The following COBL variants were observed in gnomAD, a reference collection of about 807,000 sequenced individuals.
The protein encoded by COBL is cordon-bleu WH2 repeat protein.
COBL carries 51 observed loss-of-function variants against 98.8 expected under a neutral mutation model. The ratio of observed to expected loss-of-function variants is 0.52; its 90% CI spans 0.41 to 0.65. The LOEUF is 0.65. COBL is among the 30% of genes least tolerant of loss of function. The probability of loss-of-function intolerance (pLI) is 0.00; values close to 1 mark genes in which losing one functional copy is unlikely to be tolerated. For missense variants in COBL, 1,617 were observed against 1,617.5 expected (o/e 1.00, Z 0.01); for synonymous variants, 634 against 651.7 (o/e 0.97, Z 0.41).
chr7:51,299,061 G>A (rs973215736), intron 1 of COBL, among the ~76,000 whole-genome samples: 1 of 152,204 alleles, frequency 6.6e-6, no homozygotes, highest in African/African-American at 2.4e-5. Flanking sequence ...CCAAGGGGAG[G>A]TGTTGCCGGT....
intron 1 of COBL, among the ~76,000 whole-genome samples, chr7:51,259,014 G>A (rs895590170): frequency 6.6e-6 from 1 of 152,006 alleles, no homozygotes; most frequent in Admixed American, 6.6e-5. Flanking sequence ...TCGGCCGAGC[G>A]CGGTGGCTCA....
intron 1 of COBL, among the ~76,000 whole-genome samples, chr7:51,297,496 A>G (rs1801526008): frequency 2.0e-5 from 3 of 151,382 alleles, no homozygotes; most frequent in Admixed American, 6.6e-5. Context: ...GGTTCAAGCA[A>G]TTCTCCTGCC....
intron 1 of COBL, among the ~76,000 whole-genome samples, chr7:51,276,813 T>C (rs894392829): frequency 1.6e-4 from 24 of 152,124 alleles, no homozygotes; most frequent in African/African-American, 5.6e-4. Flanking sequence ...TGGACGCTGG[T>C]GTTGGCTGGC....
chr7:51,283,580 G>A (rs763740045), intron 1 of COBL, among the ~76,000 whole-genome samples: 13 of 152,122 alleles, frequency 8.5e-5, no homozygotes, highest in Non-Finnish European at 1.9e-4. Context: ...TGCCTCCTGG[G>A]TTCAAGCAAT....
intron 6 of COBL, among the ~76,000 whole-genome samples, chr7:51,103,205 A>T (rs553858282): frequency 6.6e-6 from 1 of 152,184 alleles, no homozygotes; most frequent in East Asian, 1.9e-4. Context: ...TTTTTTTATC[A>T]AAGTGTAAGT....
chr7:51,060,559 T>A (rs1051361888), intron 7 of COBL, among the ~76,000 whole-genome samples: 1 of 152,120 alleles, frequency 6.6e-6, no homozygotes, highest in African/African-American at 2.4e-5. Flanking sequence ...TCGGGTGATG[T>A]TCTCCAGAAG....
chr7:51,087,024 G>C (rs887514061), intron 6 of COBL, among the ~76,000 whole-genome samples: 3 of 150,962 alleles, frequency 2.0e-5, no homozygotes, highest in African/African-American at 7.3e-5. Flanking sequence ...TAAATAAGAA[G>C]CTTATTGTAC....
rs1005799176 is a variant in COBL at position 51,261,121 on chromosome 7, C to T, written c.42-41177G>A. 2.6e-5 allele frequency among the ~76,000 whole-genome samples: 4 copies of T among 152,218 alleles called. No individual in the cohort carries two copies. The South Asian group carries it at 8.3e-4, about 31-fold the overall frequency. On this transcript the variant is annotated intron_variant, in intron 1 of 12. Coordinates refer to ENST00000265136, the MANE Select transcript of COBL (RefSeq NM_015198.5). ...CCCCACCGCAGGAGATGTGCACATG[C>T]TGCCGTACACAGTAGATGGCTTACT...
intron 5 of COBL, among the ~76,000 whole-genome samples, chr7:51,140,075 T>A (rs28463772): frequency 0.041 from 6,245 of 152,240 alleles, 436 homozygotes; most frequent in African/African-American, 0.14. Flanking sequence ...AATCCACAGA[T>A]GTTGGCAGTC....
At chr7:51,096,214 G>A (rs1278482972) in intron 6 of COBL, among the ~76,000 whole-genome samples, 4 of 152,062 alleles carry the variant, frequency 2.6e-5, no homozygotes, top group Admixed American at 6.5e-5. Context: ...ATAGTAAAAC[G>A]AAAAGTGAAA....
At chr7:51,153,560 C>T (rs1409421203) in intron 5 of COBL, among the ~76,000 whole-genome samples, 1 of 152,192 alleles carries the variant, frequency 6.6e-6, no homozygotes, top group Admixed American at 6.5e-5. Context: ...CAGCATGCTC[C>T]GTGACCTACA....
At chr7:51,135,011 A>G (rs1018929415) in intron 6 of COBL, among the ~76,000 whole-genome samples, 2 of 151,916 alleles carry the variant, frequency 1.3e-5, no homozygotes, top group Admixed American at 6.6e-5. Flanking sequence ...CACCCAGGCT[A>G]GAGTGCAGTG....
At chr7:51,294,323 AAT>A (rs1304610731) in intron 1 of COBL, among the ~76,000 whole-genome samples, 3 of 148,800 alleles carry the variant, frequency 2.0e-5, no homozygotes, top group African/African-American at 7.5e-5. Flanking sequence ...TAAATAAATA[AAT>A]AAATAAAAAT....
intron 8 of COBL, among the ~76,000 whole-genome samples, chr7:51,039,335 C>T (rs573510719): frequency 4.3e-4 from 65 of 152,334 alleles, no homozygotes; most frequent in African/African-American, 1.3e-3. Flanking sequence ...GTGGGTTCTG[C>T]GCTCTCACAA....
intron 1 of COBL, chr7:51,259,286 CA>C (rs778118572): frequency 0.11 from 8,117 of 76,654 alleles, 361 homozygotes; most frequent in African/African-American, 0.25. Flanking sequence ...GACTCCAGCT[CA>C]AAAAAAAAAA....
At chr7:51,152,567 A>G (rs1252275673) in intron 5 of COBL, among the ~76,000 whole-genome samples, 1 of 152,152 alleles carries the variant, frequency 6.6e-6, no homozygotes, top group Non-Finnish European at 1.5e-5. Context: ...AGCTATTAAC[A>G]TTTTCAAGGT....
intron 1 of COBL, among the ~76,000 whole-genome samples, chr7:51,222,399 T>C (rs547580304): frequency 2.6e-5 from 4 of 152,300 alleles, no homozygotes; most frequent in East Asian, 3.9e-4. Context: ...TAAATATTTA[T>C]TCAATTCCTC....
rs1195813169 is a variant in COBL, at chr7:51,036,639, A to G, written c.1407-5730T>C. On this transcript the variant is annotated intron_variant, in intron 8 of 12. Coordinates refer to ENST00000265136, the MANE Select transcript of COBL (RefSeq NM_015198.5). ...ACAGCTCCTCACAAAGTGCTTCTGC[A>G]GCCATCATCCCCAGCAGGCACCAAC... is the stretch of plus-strand genomic sequence containing the variant. Among the ~76,000 whole-genome samples the G allele has an allele frequency of 2.0e-5, 3 of 152,146 alleles. No individual in the cohort carries two copies. The East Asian group carries it at 5.8e-4, about 29-fold the overall frequency.
chr7:51,030,794 G>A lies in COBL; in HGVS notation c.1504+18C>T, dbSNP rs371828747. ...TCATGCAGCATAATATCAGAGTAGCGGATCAGGTGGTTCTTACCTTCCAGG... is the reference window on the plus strand; with the variant it reads ...TCATGCAGCATAATATCAGAGTAGCAGATCAGGTGGTTCTTACCTTCCAGG... On this transcript the variant is annotated intron_variant, in intron 9 of 12. Coordinates refer to ENST00000265136, the MANE Select transcript of COBL (RefSeq NM_015198.5). The A allele has an allele frequency of 3.1e-5, 47 of 1,509,726 alleles. No homozygotes were observed. The highest frequency in any genetic ancestry group is 4.1e-5 in the African/African-American group (3 of 72,536). 93.5% of individuals were successfully genotyped at this position (1,509,726 alleles called of 1,614,324 possible).
Sources: allele counts gnomAD v4.1 joint callset (sites outside exome capture counted in the v4.1 genomes callset), GRCh38; gene constraint gnomAD v4.1.1; transcripts MANE v1.5; gene names NCBI Gene and HGNC (gene_info 2026-07-23, HGNC 2026-07-21).